ELN: variants seen among roughly 807,000 people sequenced by gnomAD.
ELN encodes the protein elastin, also known as tropoelastin.
Under a neutral mutation model 105.8 loss-of-function variants are expected in ELN, and 65 were observed. That is an observed-to-expected ratio of 0.61 (90% CI 0.50 to 0.75). ELN has a LOEUF of 0.75. ELN is among the 30% of genes least tolerant of loss of function. ELN has a pLI of 0.00. For synonymous variants in ELN, 368 were observed against 389.2 expected, an observed-to-expected ratio of 0.95 and a Z score of 0.64; for missense variants, 882 against 969.4, an observed-to-expected ratio of 0.91 and a Z score of 1.20.
At chr7:74,047,588 C>T in intron 12 of ELN, 87 bp from the exon 13 acceptor site, 2 of 1,581,282 alleles carry the variant, frequency 1.3e-6, no homozygotes, top group South Asian at 1.1e-5. Flanking sequence ...AGCTTTAGCA[C>T]CTGTGGGGGT....
At chr7:74,057,301 C>A in intron 21 of ELN, 2 of 1,186,930 alleles carry the variant, frequency 1.7e-6, no homozygotes, top group South Asian at 2.0e-5. Context: ...TCTCTTCTTC[C>A]TCCGATTCTC....
chr7:74,037,556 A>C, intron 3 of ELN, 151 bp from the exon 4 acceptor site: 6 of 1,124,948 alleles, frequency 5.3e-6, no homozygotes, highest in Non-Finnish European at 7.9e-6. Flanking sequence ...AGTTAGAAGT[A>C]GAGCTAGGTT....
chr7:74,060,582 A>G lies in ELN; in HGVS notation c.1747+81A>G, dbSNP rs782668288. 5.0e-6 allele frequency: 8 copies of G among 1,604,268 alleles called. No homozygotes were observed. The highest frequency in any genetic ancestry group is 6.8e-6 in the Non-Finnish European group (8 of 1,175,308). ...CTCCTCCTCTCAGCACCTCCCCAGCACCCCCTCATCACCCAGGGGTGCATA... is the reference window on the plus strand; with the variant it reads ...CTCCTCCTCTCAGCACCTCCCCAGCGCCCCCTCATCACCCAGGGGTGCATA... On this transcript the variant is annotated intron_variant, in intron 25 of 32. Coordinates refer to ENST00000252034, the MANE Select transcript of ELN (RefSeq NM_000501.4).
At chr7:74,038,386 C>G (rs145249553) in intron 4 of ELN, among the ~76,000 whole-genome samples, 8 of 152,362 alleles carry the variant, frequency 5.3e-5, no homozygotes, top group Non-Finnish European at 1.2e-4. Flanking sequence ...AAGCTGAGCA[C>G]CGACCATGGC....
chr7:74,033,246 C>A (rs1255885712), intron 1 of ELN, among the ~76,000 whole-genome samples: 5 of 152,182 alleles, frequency 3.3e-5, no homozygotes, highest in African/African-American at 1.2e-4. Flanking sequence ...CTTTGCTCTT[C>A]CCCCCACCTC....
chr7:74,028,841 G>A (rs1788024230), intron 1 of ELN, among the ~76,000 whole-genome samples: 1 of 152,148 alleles, frequency 6.6e-6, no homozygotes, highest in Non-Finnish European at 1.5e-5. Flanking sequence ...GCTGAGGCAG[G>A]CAGGGACTCC....
chr7:74,043,206 A>C lies in ELN; in HGVS notation c.427+38A>C, dbSNP rs1791655588. The C allele has an allele frequency of 3.2e-6, 5 of 1,561,786 alleles. No individual in the cohort carries two copies. In the East Asian group the frequency reaches 1.2e-4, roughly 37 times the overall value. On this transcript the variant is annotated intron_variant, in intron 8 of 32. Coordinates refer to ENST00000252034, the MANE Select transcript of ELN (RefSeq NM_000501.4). ...TCCCTGGGGCTGGAGGACAGAGGGC[A>C]GGGAGGGGCAGAGGGCAGGGAGGAA...
intron 21 of ELN, among the ~76,000 whole-genome samples, chr7:74,056,980 G>A (rs1200307805): frequency 6.6e-6 from 1 of 152,090 alleles, no homozygotes; most frequent in Non-Finnish European, 1.5e-5. Context: ...GCTGATGCCT[G>A]TAATCCCAGC....
chr7:74,069,722 T>C lies in ELN; in HGVS notation c.*1022T>C, dbSNP rs1325814877. 3 of 231,156 alleles carry C rather than the reference T, an allele frequency of 1.3e-5. No individual in the cohort carries two copies. Among genetic ancestry groups the C allele is most frequent in the Non-Finnish European group, 2.6e-5 (3 of 116,754 alleles). The allele number at this position is 231,156 out of a possible 1,614,324, so 14.3% of individuals were successfully genotyped here. ...GATTGTTGATATTCTCTTTTGGTTTTATTGTTGTGGTTCATTGAAAAAAAA... is the reference window on the plus strand; with the variant it reads ...GATTGTTGATATTCTCTTTTGGTTTCATTGTTGTGGTTCATTGAAAAAAAA... On this transcript the variant is annotated 3_prime_UTR_variant, in exon 33 of 33. Transcript: ENST00000252034.
At chr7:74,051,866 G>A (rs1794118948) in intron 16 of ELN, 27 bp downstream of exon 16, 3 of 1,614,200 alleles carry the variant, frequency 1.9e-6, no homozygotes, top group Non-Finnish European at 2.5e-6. Context: ...CAGGGGGCGG[G>A]TGTGTCCTTG....
intron 8 of ELN, 128 bp downstream of exon 8, chr7:74,043,296 G>T: frequency 7.3e-7 from 1 of 1,379,230 alleles, no homozygotes. Flanking sequence ...GTCGGGCAGA[G>T]AAACTAGCCA....
intron 10 of ELN, 149 bp from the exon 11 acceptor site, chr7:74,046,039 A>G (rs1792420635): frequency 9.6e-6 from 11 of 1,149,470 alleles, no homozygotes; most frequent in Admixed American, 8.0e-5. Flanking sequence ...CCATCTCCGA[A>G]AAAAGAAACC....
rs782819632 is a variant in ELN, at chr7:74,068,922, T to G, written c.*222T>G. Reference sequence around the variant, plus strand: ...CCCTACTTCAGAGGCAAGGGCCATGTGGTCCTGGCCCCCCACCCCATCCCT... The same window carrying G: ...CCCTACTTCAGAGGCAAGGGCCATGGGGTCCTGGCCCCCCACCCCATCCCT... On this transcript the variant is annotated 3_prime_UTR_variant, in exon 33 of 33. Transcript: ENST00000252034. The G allele has an allele frequency of 6.6e-5, 40 of 604,520 alleles. No individual in the cohort carries two copies. The highest frequency in any genetic ancestry group is 1.1e-4 in the Non-Finnish European group (38 of 335,480). The allele number at this position is 604,520 out of a possible 1,614,324, so 37.4% of individuals were successfully genotyped here. A position where few individuals can be genotyped will look rare whatever the true frequency, so the allele number is the denominator to read the frequency against.
chr7:74,062,001 C>A (rs951102261), intron 26 of ELN, among the ~76,000 whole-genome samples: 3 of 152,236 alleles, frequency 2.0e-5, no homozygotes, highest in African/African-American at 4.8e-5. Flanking sequence ...GTCCTGCCAG[C>A]AGGACCGCTC....
At chr7:74,039,452 T>A (rs1355439797) in intron 4 of ELN, among the ~76,000 whole-genome samples, 2 of 152,216 alleles carry the variant, frequency 1.3e-5, no homozygotes, top group Non-Finnish European at 1.5e-5. Flanking sequence ...CCAGGACGTC[T>A]GGGCCTGCCC....
At position 74,063,408 on chromosome 7, in the gene ELN, C is replaced by T. The variant is rs782119498; in HGVS notation, c.1918+39C>T. ...GGAGGTGGGAGCTGCCGCCAGGCCC[C>T]CAGGCCCCCAGGGTGTGGGAGGAGC... On this transcript the variant is annotated intron_variant, in intron 28 of 32. Coordinates refer to ENST00000252034, the MANE Select transcript of ELN (RefSeq NM_000501.4). This position sits in a 1 kb window ranked among gnomAD's most constrained non-coding sequence, Gnocchi z 4.1. 86 of 1,544,252 alleles carry T rather than the reference C, an allele frequency of 5.6e-5. 1 individual carries two copies. The South Asian group carries it at 9.9e-4, about 18-fold the overall frequency.
chr7:74,056,799 C>T, intron 21 of ELN, 86 bp downstream of exon 21: 1 of 1,584,222 alleles, frequency 6.3e-7, no homozygotes. Flanking sequence ...GCTCCCAGGC[C>T]TCCAGGACTG....
chr7:74,029,544 G>A (rs968127510), intron 1 of ELN, among the ~76,000 whole-genome samples: 1 of 152,146 alleles, frequency 6.6e-6, no homozygotes, highest in African/African-American at 2.4e-5. Context: ...GGGGCGGGAG[G>A]GCCACGGGGT....
intron 26 of ELN, among the ~76,000 whole-genome samples, chr7:74,062,505 A>G (rs1796923543): frequency 6.6e-6 from 1 of 152,118 alleles, no homozygotes; most frequent in African/African-American, 2.4e-5. Context: ...AGTGTGAAGC[A>G]CTCAAAATGT....
Sources: allele counts gnomAD v4.1 joint callset (sites outside exome capture counted in the v4.1 genomes callset), GRCh38; gene constraint gnomAD v4.1.1; non-coding constraint Gnocchi (gnomAD v3.1); transcripts MANE v1.5; gene names NCBI Gene and HGNC (gene_info 2026-07-23, HGNC 2026-07-21).